The following GRM8 variants were observed in gnomAD, a reference collection of about 807,000 sequenced individuals.
GRM8 encodes glutamate metabotropic receptor 8.
GRM8 carries 47 observed loss-of-function variants against 87.2 expected under a neutral mutation model. The ratio of observed to expected loss-of-function variants is 0.54; its 90% confidence interval spans 0.43 to 0.69. The LOEUF (loss-of-function observed/expected upper bound fraction) is 0.69, where lower values mean the gene tolerates loss of function less well. Among genes scored for constraint, GRM8 ranks in the 30% least tolerant of loss-of-function variants. GRM8 has a pLI of 0.00. For missense variants in GRM8, 1,019 were observed against 1,139.2 expected, an observed-to-expected ratio of 0.89 and a Z score of 1.52; for synonymous variants, 396 against 404.5, an observed-to-expected ratio of 0.98 and a Z score of 0.25.
At chr7:126,809,622 C>T (rs1793104384) in intron 6 of GRM8, among the ~76,000 whole-genome samples, 1 of 152,130 alleles carries the variant, frequency 6.6e-6, no homozygotes, top group Non-Finnish European at 1.5e-5. Flanking sequence ...ACCTCAGGGC[C>T]ATCCACAAAA....
chr7:126,912,483 A>G (rs1002354673), intron 3 of GRM8, among the ~76,000 whole-genome samples: 1 of 152,200 alleles, frequency 6.6e-6, no homozygotes, highest in Admixed American at 6.5e-5. Flanking sequence ...AAAACTTTTC[A>G]TCCTCCATAA....
At chr7:126,593,810 C>A (rs1468351717) in intron 8 of GRM8, among the ~76,000 whole-genome samples, 1 of 152,026 alleles carries the variant, frequency 6.6e-6, no homozygotes, top group African/African-American at 2.4e-5. Context: ...AGTGAAGAGA[C>A]ATCCTACAGA....
At chr7:126,802,529 C>T (rs1822830555) in intron 6 of GRM8, among the ~76,000 whole-genome samples, 1 of 151,938 alleles carries the variant, frequency 6.6e-6, no homozygotes, top group Non-Finnish European at 1.5e-5. Flanking sequence ...GAATGATATT[C>T]AGCCTTAAAA....
intron 5 of GRM8, among the ~76,000 whole-genome samples, chr7:126,903,583 C>CT (rs1802322911): frequency 6.9e-6 from 1 of 145,116 alleles, no homozygotes; most frequent in African/African-American, 2.6e-5. Context: ...CACACACACA[C>CT]ACACACACAC....
intron 7 of GRM8, among the ~76,000 whole-genome samples, chr7:126,621,617 C>A (rs1407089850): frequency 6.6e-6 from 1 of 151,998 alleles, no homozygotes; most frequent in Non-Finnish European, 1.5e-5. Flanking sequence ...CAGGGTTTCA[C>A]CATGTTGGCA....
chr7:127,112,576 A>G (rs1826440074), intron 2 of GRM8, among the ~76,000 whole-genome samples: 1 of 152,186 alleles, frequency 6.6e-6, no homozygotes, highest in Non-Finnish European at 1.5e-5. Context: ...TAACTTTGAA[A>G]TATTTTTCTA....
chr7:127,187,981 G>T (rs1794826225), intron 2 of GRM8, among the ~76,000 whole-genome samples: 1 of 152,036 alleles, frequency 6.6e-6, no homozygotes, highest in Non-Finnish European at 1.5e-5. Flanking sequence ...TTTGTGGTTG[G>T]CCCCTTGCTG....
intron 8 of GRM8, among the ~76,000 whole-genome samples, chr7:126,605,648 C>A (rs1445459356): frequency 6.6e-6 from 1 of 152,128 alleles, no homozygotes; most frequent in African/African-American, 2.4e-5. Flanking sequence ...TCTTTGAAAA[C>A]AAGCAGAGTT....
chr7:126,782,056 T>C (rs1320492370), intron 6 of GRM8, among the ~76,000 whole-genome samples: 1 of 152,176 alleles, frequency 6.6e-6, no homozygotes, highest in African/African-American at 2.4e-5. Flanking sequence ...TTAGTGATAA[T>C]AAAATCAATG....
intron 3 of GRM8, among the ~76,000 whole-genome samples, chr7:126,913,038 T>A (rs1282094011): frequency 1.3e-5 from 2 of 152,208 alleles, no homozygotes; most frequent in African/African-American, 4.8e-5. Flanking sequence ...AAGAATTATG[T>A]TTTTAGTTGT....
chr7:127,240,343 T>C (rs1197531425), intron 2 of GRM8, among the ~76,000 whole-genome samples: 1 of 151,922 alleles, frequency 6.6e-6, no homozygotes, highest in African/African-American at 2.4e-5. Context: ...ATGGAAGCCT[T>C]CCTGCATTTT....
At chr7:126,491,280 C>T (rs1188115791) in intron 9 of GRM8, among the ~76,000 whole-genome samples, 1 of 152,030 alleles carries the variant, frequency 6.6e-6, no homozygotes, top group Non-Finnish European at 1.5e-5. Flanking sequence ...ACAATTTTCT[C>T]AATGTAGCCC....
intron 7 of GRM8, among the ~76,000 whole-genome samples, chr7:126,758,613 G>A (rs1189449724): frequency 6.6e-6 from 1 of 152,122 alleles, no homozygotes; most frequent in Non-Finnish European, 1.5e-5. Context: ...AAATGGCACA[G>A]TTTGGGCACA....
chr7:126,977,648 AGGCAG>A (rs750392242), intron 3 of GRM8, among the ~76,000 whole-genome samples: 160 of 152,352 alleles, frequency 1.1e-3, no homozygotes, highest in Middle Eastern at 3.4e-3. Context: ...CCAGACTGTG[AGGCAG>A]ATCAGTAACA....
intron 8 of GRM8, among the ~76,000 whole-genome samples, chr7:126,575,232 T>C (rs1042543439): frequency 3.3e-5 from 5 of 150,798 alleles, no homozygotes; most frequent in Non-Finnish European, 7.4e-5. Context: ...TGAGCCCTAT[T>C]GTGAACTGAG....
intron 7 of GRM8, among the ~76,000 whole-genome samples, chr7:126,741,516 C>T (rs1458301192): frequency 6.6e-6 from 1 of 152,070 alleles, no homozygotes; most frequent in Non-Finnish European, 1.5e-5. Flanking sequence ...ACCCTGGGAA[C>T]AGGCCAGGAT....
At chr7:126,490,701 A>G (rs1211678964) in intron 9 of GRM8, among the ~76,000 whole-genome samples, 1 of 151,878 alleles carries the variant, frequency 6.6e-6, no homozygotes, top group Non-Finnish European at 1.5e-5. Context: ...ATGTTTCCTC[A>G]CAGATTCTTC....
chr7:126,632,152 C>T (rs80088406), intron 7 of GRM8, among the ~76,000 whole-genome samples: 1 of 151,960 alleles, frequency 6.6e-6, no homozygotes, highest in Non-Finnish European at 1.5e-5. Flanking sequence ...GTCTGATAGC[C>T]AGAATCTACA....
intron 7 of GRM8, among the ~76,000 whole-genome samples, chr7:126,676,926 C>T (rs1241596176): frequency 6.6e-6 from 1 of 152,112 alleles, no homozygotes; most frequent in Non-Finnish European, 1.5e-5. Flanking sequence ...AGTAAACATA[C>T]AACCCACAAA....
Sources: allele counts gnomAD v4.1 joint callset (sites outside exome capture counted in the v4.1 genomes callset), GRCh38; gene constraint gnomAD v4.1.1; transcripts MANE v1.5; gene names NCBI Gene and HGNC (gene_info 2026-07-23, HGNC 2026-07-21).